Variants in ZNF616 observed in about 807,000 individuals in gnomAD.
The protein encoded by ZNF616 is zinc finger protein 616.
A neutral mutation model predicts 7.6 loss-of-function variants in ZNF616; 5 were observed. The ratio of observed to expected loss-of-function variants is 0.66; its 90% confidence interval spans 0.34 to 1.38. The LOEUF (loss-of-function observed/expected upper bound fraction) is 1.38. Ranked by LOEUF, ZNF616 falls within the 40% of genes most tolerant of loss-of-function variation. The probability of loss-of-function intolerance (pLI) is 0.04; values close to 1 mark genes in which losing one functional copy is unlikely to be tolerated. For missense variants in ZNF616, 913 were observed against 948.3 expected, an observed-to-expected ratio of 0.96 and a Z score of 0.49; for synonymous variants, 319 against 317.2, an observed-to-expected ratio of 1.01 and a Z score of -0.06.
chr19:52,130,379 G>T, intron 2 of ZNF616, 122 bp downstream of exon 2: 1 of 928,352 alleles, frequency 1.1e-6, no homozygotes, highest in Non-Finnish European at 1.8e-6. Flanking sequence ...GAGCAAATGT[G>T]TCAGGAAGGA....
At position 52,115,958 on chromosome 19, in the gene ZNF616, A is replaced by G. The variant is rs764255322; in HGVS notation, c.1206T>C (p.Ile402=). The change falls in exon 4 of 4, where the codon ATT becomes ATC. Residue 402 remains isoleucine (I), a synonymous_variant. Coordinates refer to ENST00000600228, the MANE Select transcript of ZNF616 (RefSeq NM_178523.5). ...KRSSLAVHRR[I]HTVEKPCKCN... Reference sequence around the variant, plus strand: ...ATTTGCAAGGTTTCTCTACAGTGTGAATTCGTCGATGCACTGCAAGACTTG... The same window carrying G: ...ATTTGCAAGGTTTCTCTACAGTGTGGATTCGTCGATGCACTGCAAGACTTG... 1 of 1,614,040 alleles carries G rather than the reference A, an allele frequency of 6.2e-7. No individual in the cohort carries two copies. Among genetic ancestry groups the G allele is most frequent in the Non-Finnish European group, 8.5e-7 (1 of 1,180,010 alleles).
chr19:52,120,947 A>C (rs1283631499), intron 3 of ZNF616, among the ~76,000 whole-genome samples: 7 of 152,310 alleles, frequency 4.6e-5, no homozygotes, highest in African/African-American at 1.4e-4. Context: ...GTTAAATTGG[A>C]CCTAACCTAC....
intron 1 of ZNF616, among the ~76,000 whole-genome samples, chr19:52,131,409 C>T (rs889962139): frequency 1.3e-5 from 2 of 151,794 alleles, no homozygotes; most frequent in Non-Finnish European, 2.9e-5. Flanking sequence ...TAGTGTGAAG[C>T]GAGGGTTGAG....
chr19:52,116,292 T>C lies in ZNF616; in HGVS notation c.872A>G (p.His291Arg), dbSNP rs150942089. Residue 291 changes from histidine (H) to arginine (R), a missense_variant, in exon 4 of 4, where the codon CAT becomes CGT. By Grantham distance (29) the His-to-Arg change is conservative. Transcript: ENST00000600228. The part of the protein sequence containing the change: ...SSHLAVHQRI[H>R]TGEKPYKCNL... ...ACATTTGTAAGGTTTTTCACCGGTA[T>C]GAATTCTCTGATGAACTGCAAGGTG... The C allele has an allele frequency of 1.9e-4, 310 of 1,613,842 alleles. No homozygotes were observed. Among genetic ancestry groups the C allele is most frequent in the Non-Finnish European group, 2.3e-4 (277 of 1,179,698 alleles).
At chr19:52,138,154 A>G (rs554589351) in intron 1 of ZNF616, among the ~76,000 whole-genome samples, 1 of 152,290 alleles carries the variant, frequency 6.6e-6, no homozygotes, top group African/African-American at 2.4e-5. Flanking sequence ...AAGAGAAAAA[A>G]CAAACAAAAA....
At chr19:52,134,253 T>C (rs532904052) in intron 1 of ZNF616, among the ~76,000 whole-genome samples, 3 of 152,310 alleles carry the variant, frequency 2.0e-5, no homozygotes, top group Admixed American at 6.5e-5. Context: ...TTTCCCTCCT[T>C]ATCACGACAT....
In ZNF616 at chr19:52,117,009, C is replaced by T. The variant is rs142794685; in HGVS notation, c.155G>A (p.Cys52Tyr). ...NLVFLGISPK[C>Y]VIKELPPTEN... ...TGTTGGTGGTAATTCCTTGATCACACATTTAGGAGAGATACCTGCAAAATA... is the reference window on the plus strand; with the variant it reads ...TGTTGGTGGTAATTCCTTGATCACATATTTAGGAGAGATACCTGCAAAATA... Residue 52 changes from cysteine (C) to tyrosine (Y), a missense_variant, in exon 4 of 4, where the codon TGT becomes TAT. By Grantham distance (194) the Cys-to-Tyr change is radical. Coordinates refer to ENST00000600228, the MANE Select transcript of ZNF616 (RefSeq NM_178523.5). 4.5e-6 allele frequency: 7 copies of T among 1,568,444 alleles called. No homozygotes were observed. In the South Asian group the frequency reaches 8.4e-5, roughly 19 times the overall value.
rs1369949516 is a variant in ZNF616 at position 52,134,888 on chromosome 19, C to T, written c.-76-4300G>A. Among the ~76,000 whole-genome samples, 5 of 152,214 alleles carry T rather than the reference C, an allele frequency of 3.3e-5. No individual in the cohort carries two copies. In the South Asian group the frequency reaches 6.2e-4, roughly 19 times the overall value. On this transcript the variant is annotated intron_variant, in intron 1 of 3. Transcript: ENST00000600228. ...ACACTGAGTTTAAAGCATTTTGCCT[C>T]GTAGCTCCCTGTGATTGTTGCAGCA...
Position 52,113,215 on chromosome 19 carries a change from C to G in ZNF616, c.*1603G>C, listed in dbSNP as rs1254031191. 1 of 152,138 alleles carries G rather than the reference C, an allele frequency of 6.6e-6. No individual in the cohort carries two copies. The highest frequency in any genetic ancestry group is 1.9e-4 in the East Asian group (1 of 5,192). The allele number at this position is 152,138 out of a possible 1,614,324, so 9.4% of individuals were successfully genotyped here. On this transcript the variant is annotated 3_prime_UTR_variant, in exon 4 of 4. Coordinates refer to ENST00000600228, the MANE Select transcript of ZNF616 (RefSeq NM_178523.5). ...AGTTATTCTGTAATAATATTCCAGGCCAATCTTGGAGAAGCAGATTTGGTT... is the reference window on the plus strand; with the variant it reads ...AGTTATTCTGTAATAATATTCCAGGGCAATCTTGGAGAAGCAGATTTGGTT...
chr19:52,134,753 C>T (rs541702163), intron 1 of ZNF616, among the ~76,000 whole-genome samples: 1 of 152,086 alleles, frequency 6.6e-6, no homozygotes, highest in East Asian at 1.9e-4. Flanking sequence ...TCCTTTACAC[C>T]CTGCAATTAC....
In ZNF616 at chr19:52,116,040, T is replaced by C; in HGVS notation, c.1124A>G (p.His375Arg). The C allele has an allele frequency of 1.2e-6, 2 of 1,614,232 alleles. No individual in the cohort carries two copies. Among genetic ancestry groups the C allele is most frequent in the Non-Finnish European group, 1.7e-6 (2 of 1,180,038 alleles). The change falls in exon 4 of 4, where the codon CAC (histidine) becomes CGC (arginine). Residue 375 changes from histidine (H) to arginine (R), a missense_variant. Coordinates refer to ENST00000600228, the MANE Select transcript of ZNF616 (RefSeq NM_178523.5). The part of the protein sequence containing the change: ...RSNLVCHRRI[H>R]SGEKQYKCNE... ...GCATTTGTATTGTTTCTCTCCACTG[T>C]GGATTCTCCGGTGACATACAAGATT...
At position 52,124,159 on chromosome 19, in the gene ZNF616, A is replaced by G; in HGVS notation, c.13-110T>C. Reference sequence around the variant, plus strand: ...TTGAAGTGTGTGTTTTGACATATCTATATGGCATCTGTGAGAAAGTTATTG... The same window carrying G: ...TTGAAGTGTGTGTTTTGACATATCTGTATGGCATCTGTGAGAAAGTTATTG... On this transcript the variant is annotated intron_variant, in intron 2 of 3. Coordinates refer to ENST00000600228, the MANE Select transcript of ZNF616 (RefSeq NM_178523.5). 2.2e-6 allele frequency: 3 copies of G among 1,386,374 alleles called. No individual in the cohort carries two copies. In the South Asian group the frequency reaches 4.4e-5, roughly 20 times the overall value. 85.9% of individuals were successfully genotyped at this position (1,386,374 alleles called of 1,614,324 possible).
intron 1 of ZNF616, among the ~76,000 whole-genome samples, chr19:52,138,225 T>C (rs2089030051): frequency 1.3e-5 from 2 of 152,204 alleles, no homozygotes; most frequent in African/African-American, 4.8e-5. Context: ...TCCTCCTCCA[T>C]CCTCTACTCC....
At chr19:52,129,036 G>A (rs1041855239) in intron 2 of ZNF616, among the ~76,000 whole-genome samples, 1 of 151,922 alleles carries the variant, frequency 6.6e-6, no homozygotes, top group Non-Finnish European at 1.5e-5. Context: ...ACTTTGGGAG[G>A]CTGAGGCAGG....
intron 3 of ZNF616, 61 bp downstream of exon 3, chr19:52,123,862 C>T (rs964661622): frequency 2.6e-5 from 42 of 1,606,496 alleles, no homozygotes; most frequent in Non-Finnish European, 3.1e-5. Context: ...AGAAAGACAA[C>T]AGAGGAAATA....
rs2089038755 is a variant in ZNF616 at position 52,139,329 on chromosome 19, T to C, written c.-77+403A>G. Among the ~76,000 whole-genome samples, 1 of 152,050 alleles carries C rather than the reference T, an allele frequency of 6.6e-6. No homozygotes were observed. The highest frequency in any genetic ancestry group is 2.4e-5 in the African/African-American group (1 of 41,398). On this transcript the variant is annotated intron_variant, in intron 1 of 3. Transcript: ENST00000600228. The surrounding 1 kb of genome is among the most constrained non-coding windows in gnomAD (Gnocchi z 4.1). The stretch of plus-strand genomic sequence containing the variant: ...ACGCGGAGTCAGGAAAAGCAGTGGC[T>C]GTGAAGGGGCAGCCTGGGGAGGGGA...
Position 52,116,155 on chromosome 19 carries a change from T to A in ZNF616, c.1009A>T (p.Ser337Cys). 6.2e-7 allele frequency: 1 copy of A among 1,614,070 alleles called. No homozygotes were observed. Among genetic ancestry groups the A allele is most frequent in the Non-Finnish European group, 8.5e-7 (1 of 1,179,976 alleles). ...ACCTGATGTACAGTGAGGTTTGAGC[T>A]CCGTTTAAAGGTTTTGCCACACTCA... is the stretch of plus-strand genomic sequence containing the variant. ...CNECGKTFKR[S>C]SNLTVHQVIH... Residue 337 changes from serine to cysteine, a missense_variant, in exon 4 of 4, where the codon AGC (serine) becomes TGC (cysteine). Transcript: ENST00000600228.
Position 52,116,490 on chromosome 19 carries a change from G to A in ZNF616, c.674C>T (p.Ala225Val). Residue 225 changes from alanine (A) to valine (V), a missense_variant, in exon 4 of 4, where the codon GCC becomes GTC. Physicochemically the swap from Ala to Val is moderately conservative, Grantham distance 64. Coordinates refer to ENST00000600228, the MANE Select transcript of ZNF616 (RefSeq NM_178523.5). Reference protein sequence around the residue: ...CNECGKAFHRASLLTVHKVVH... With the variant: ...CNECGKAFHRVSLLTVHKVVH... ...TACCTTGTGTACAGTTAGTAGTGAG[G>A]CCCGATGAAAGGCTTTGCCACACTC... is the stretch of plus-strand genomic sequence containing the variant. 6.2e-7 allele frequency: 1 copy of A among 1,613,818 alleles called. No individual in the cohort carries two copies. Among genetic ancestry groups the A allele is most frequent in the Non-Finnish European group, 8.5e-7 (1 of 1,179,944 alleles).
chr19:52,128,186 TA>T (rs777095751), intron 2 of ZNF616, among the ~76,000 whole-genome samples: 10,038 of 97,614 alleles, frequency 0.1, 1,006 homozygotes, highest in African/African-American at 0.27. Flanking sequence ...TCCCACCCAA[TA>T]AAAAAAAAAA....
Sources: gnomAD v4.1 joint callset for allele counts (sites outside exome capture counted in the v4.1 genomes callset) on GRCh38, gnomAD v4.1.1 for gene constraint, Gnocchi (gnomAD v3.1) non-coding constraint, MANE v1.5 for transcripts, NCBI Gene and HGNC (gene_info 2026-07-23, HGNC 2026-07-21) for gene names.